The following VPS13B variants were observed in gnomAD, a reference collection of about 807,000 sequenced individuals.
The protein encoded by VPS13B is intermembrane lipid transfer protein VPS13B.
VPS13B carries 285 observed loss-of-function variants against 426.4 expected under a neutral mutation model. That is an observed-to-expected ratio of 0.67 (90% CI 0.61 to 0.74). The LOEUF (loss-of-function observed/expected upper bound fraction) is 0.74, where lower values mean the gene tolerates loss of function less well. VPS13B is among the 30% of genes least tolerant of loss of function. VPS13B has a pLI of 0.00. For missense variants in VPS13B, 4,537 were observed against 4,782.6 expected (o/e 0.95, Z 1.51); for synonymous variants, 1,676 against 1,676.4 (o/e 1.00, Z 0.01).
intron 39 of VPS13B, among the ~76,000 whole-genome samples, chr8:99,746,051 C>A (rs1810069864): frequency 6.6e-6 from 1 of 152,056 alleles, no homozygotes; most frequent in Admixed American, 6.6e-5. Flanking sequence ...TTTTATCCCC[C>A]TTATGCCGTT....
At chr8:99,241,932 ACC>A (rs1472903149) in intron 17 of VPS13B, among the ~76,000 whole-genome samples, 2 of 152,142 alleles carry the variant, frequency 1.3e-5, no homozygotes, top group Non-Finnish European at 2.9e-5. Context: ...TTCTCTAAGA[ACC>A]ATCATTGCTT....
chr8:99,602,111 G>A (rs186619158), intron 33 of VPS13B, among the ~76,000 whole-genome samples: 2 of 152,154 alleles, frequency 1.3e-5, no homozygotes, highest in Admixed American at 1.3e-4. Context: ...AGGTTTTCTT[G>A]TAGGGTTTTT....
intron 22 of VPS13B, among the ~76,000 whole-genome samples, chr8:99,432,593 A>G (rs1469102448): frequency 6.6e-6 from 1 of 152,230 alleles, no homozygotes; most frequent in Non-Finnish European, 1.5e-5. Flanking sequence ...CCTAGTAGTC[A>G]AACTACTGAA....
chr8:99,421,386 A>G (rs1816363494), intron 21 of VPS13B, among the ~76,000 whole-genome samples: 1 of 152,212 alleles, frequency 6.6e-6, no homozygotes, highest in Admixed American at 6.5e-5. Context: ...TGTTTTCTGA[A>G]CTATTTATTA....
chr8:99,109,827 C>T (rs1044792308), intron 5 of VPS13B, among the ~76,000 whole-genome samples: 1 of 152,122 alleles, frequency 6.6e-6, no homozygotes, highest in Non-Finnish European at 1.5e-5. Flanking sequence ...CATTTTTTAA[C>T]AGGACCGTGT....
At chr8:99,207,423 T>A (rs1036616873) in intron 17 of VPS13B, among the ~76,000 whole-genome samples, 2 of 152,182 alleles carry the variant, frequency 1.3e-5, no homozygotes, top group Non-Finnish European at 2.9e-5. Context: ...TTTGATAATG[T>A]TTGTAAATTT....
intron 30 of VPS13B, among the ~76,000 whole-genome samples, chr8:99,555,145 C>G (rs935035016): frequency 2.6e-5 from 4 of 152,058 alleles, no homozygotes; most frequent in African/African-American, 9.7e-5. Flanking sequence ...CCTTGCTTCT[C>G]TCTTCACTTG....
At chr8:99,633,838 T>C (rs188054561) in intron 33 of VPS13B, among the ~76,000 whole-genome samples, 2 of 151,254 alleles carry the variant, frequency 1.3e-5, no homozygotes, top group Non-Finnish European at 3.0e-5. Flanking sequence ...TGTGTGTGTG[T>C]GCGTGTTTTA....
chr8:99,757,934 T>C (rs925310140), intron 39 of VPS13B, among the ~76,000 whole-genome samples: 4 of 152,210 alleles, frequency 2.6e-5, no homozygotes, highest in African/African-American at 9.6e-5. Context: ...ATGTGGAATG[T>C]TTTCCAGTGA....
rs187533261 is a variant in VPS13B, at chr8:99,561,379, A to G, written c.4949+4726A>G. 9.8e-5 allele frequency among the ~76,000 whole-genome samples: 15 copies of G among 152,344 alleles called. No homozygotes were observed. In the East Asian group the frequency reaches 2.9e-3, roughly 29 times the overall value. On this transcript the variant is annotated intron_variant, in intron 31 of 61. Transcript: ENST00000357162. The stretch of plus-strand genomic sequence containing the variant: ...TGTATATTCATCCAAATTGTAGCAT[A>G]TATCAGTATTTCAATCTTTTTATAG...
chr8:99,121,355 A>G lies in VPS13B; in HGVS notation c.1116A>G (p.Ala372=), dbSNP rs2132516415. 15 of 1,614,204 alleles carry G rather than the reference A, an allele frequency of 9.3e-6. No homozygotes were observed. The highest frequency in any genetic ancestry group is 1.3e-5 in the Non-Finnish European group (15 of 1,180,022). The change falls in exon 8 of 62, where the codon GCA becomes GCG. Residue 372 remains alanine, a synonymous_variant. Coordinates refer to ENST00000357162, the MANE Select transcript of VPS13B (RefSeq NM_152564.5). ...AAGACTTTGTTGGGAACGATCCTGC[A>G]TCAACCATGCATCAACAAAAAGCAC... The part of the protein sequence containing the change: ...GEEDFVGNDP[A]STMHQQKAQT...
intron 58 of VPS13B, 58 bp downstream of exon 58, chr8:99,862,004 C>A: frequency 6.6e-7 from 1 of 1,516,332 alleles, no homozygotes; most frequent in Non-Finnish European, 8.8e-7. Flanking sequence ...GATGCAGGGT[C>A]TCCCAGGACT....
chr8:99,786,838 C>A (rs563368322), intron 43 of VPS13B, among the ~76,000 whole-genome samples: 1 of 152,056 alleles, frequency 6.6e-6, no homozygotes, highest in Non-Finnish European at 1.5e-5. Context: ...AAGCCAGAAG[C>A]CTTAATGGGC....
intron 33 of VPS13B, among the ~76,000 whole-genome samples, chr8:99,624,824 T>TC (rs1238644832): frequency 1.5e-5 from 2 of 135,106 alleles, no homozygotes; most frequent in South Asian, 2.5e-4. Context: ...TTTTTTTTTT[T>TC]CCCCCTTCCT....
At chr8:99,152,653 A>G (rs562981411) in intron 14 of VPS13B, among the ~76,000 whole-genome samples, 6 of 151,928 alleles carry the variant, frequency 3.9e-5, no homozygotes, top group Non-Finnish European at 8.8e-5. Context: ...ATTTTGCTTT[A>G]TTTTTTTGGC....
intron 35 of VPS13B, among the ~76,000 whole-genome samples, chr8:99,670,843 A>G (rs1016918333): frequency 2.0e-5 from 3 of 152,110 alleles, no homozygotes; most frequent in African/African-American, 4.8e-5. Flanking sequence ...ATGCTATTCT[A>G]TTGTAAATAT....
chr8:99,578,788 G>T (rs1203785313), intron 33 of VPS13B, among the ~76,000 whole-genome samples: 1 of 152,086 alleles, frequency 6.6e-6, no homozygotes, highest in Non-Finnish European at 1.5e-5. Context: ...AATGTCTCCT[G>T]TCAAAGAAAT....
chr8:99,274,064 A>G, intron 17 of VPS13B, 134 bp from the exon 18 acceptor site: 1 of 1,278,566 alleles, frequency 7.8e-7, no homozygotes, highest in Non-Finnish European at 1.1e-6. Flanking sequence ...CTAAACTATG[A>G]AACCTAACAC....
chr8:99,318,281 A>G (rs551778325), intron 19 of VPS13B, among the ~76,000 whole-genome samples: 9 of 152,326 alleles, frequency 5.9e-5, no homozygotes, highest in South Asian at 2.1e-4. Context: ...CAATTATTCT[A>G]TAAACAAATA....
Sources: gnomAD v4.1 joint callset for allele counts (sites outside exome capture counted in the v4.1 genomes callset) on GRCh38, gnomAD v4.1.1 for gene constraint, MANE v1.5 for transcripts, NCBI Gene and HGNC (gene_info 2026-07-23, HGNC 2026-07-21) for gene names.